Variants in EPB41 observed in about 807,000 individuals in gnomAD.
The protein encoded by EPB41 is erythrocyte membrane protein band 4.1.
In EPB41, 65 loss-of-function variants were observed where a neutral mutation model predicts 108.0. The observed-to-expected ratio is 0.60, with a 90% CI of 0.49 to 0.74. The LOEUF (loss-of-function observed/expected upper bound fraction) is 0.74. EPB41 is among the 30% of genes least tolerant of loss of function. The pLI is 0.00. For missense variants in EPB41, 875 were observed against 1,037.0 expected (o/e 0.84, Z 2.15); for synonymous variants, 336 against 358.9 (o/e 0.94, Z 0.72).
intron 12 of EPB41, among the ~76,000 whole-genome samples, chr1:29,057,989 G>C (rs911868429): frequency 1.3e-5 from 2 of 152,096 alleles, no homozygotes; most frequent in Non-Finnish European, 2.9e-5. Context: ...ATTTAAATTG[G>C]GTTTATTGTA....
At chr1:28,921,938 T>TTTTATATATATATA (rs370726721) in intron 1 of EPB41, among the ~76,000 whole-genome samples, 3 of 102,632 alleles carry the variant, frequency 2.9e-5, no homozygotes, top group African/African-American at 1.4e-4. Context: ...TTATGAAATT[T>TTTTATATATATATA]TATATATATA....
chr1:29,109,292 G>A, intron 17 of EPB41, 44 bp from the exon 18 acceptor site: 23 of 1,483,932 alleles, frequency 1.5e-5, no homozygotes, highest in Non-Finnish European at 2.1e-5. Flanking sequence ...CATTTGCCCA[G>A]TCTTCCTGAG....
chr1:28,923,243 G>A (rs1457527350), intron 1 of EPB41, among the ~76,000 whole-genome samples: 1 of 150,674 alleles, frequency 6.6e-6, no homozygotes, highest in Non-Finnish European at 1.5e-5. Flanking sequence ...TTACAGGCGT[G>A]TGCCACCACA....
At chr1:28,995,983 T>C (rs2096164189) in intron 3 of EPB41, among the ~76,000 whole-genome samples, 1 of 152,236 alleles carries the variant, frequency 6.6e-6, no homozygotes, top group Non-Finnish European at 1.5e-5. Context: ...GGAGGACATG[T>C]CATATATGTT....
chr1:28,915,215 G>A (rs2092536528), intron 1 of EPB41, among the ~76,000 whole-genome samples: 1 of 152,204 alleles, frequency 6.6e-6, no homozygotes. Flanking sequence ...AAGTCAGGCG[G>A]AATCTGAGGA....
chr1:29,008,575 A>C (rs1460462864), intron 4 of EPB41, among the ~76,000 whole-genome samples: 1 of 152,200 alleles, frequency 6.6e-6, no homozygotes, highest in Non-Finnish European at 1.5e-5. Context: ...ATTCTGCTGG[A>C]CCACAGTTAT....
intron 1 of EPB41, among the ~76,000 whole-genome samples, chr1:28,955,376 T>C (rs113215330): frequency 4.2e-4 from 64 of 152,120 alleles, no homozygotes; most frequent in African/African-American, 1.5e-3. Context: ...GGAATCTTAC[T>C]TTGTCGCCAG....
chr1:29,036,195 T>G (rs2150368545), intron 10 of EPB41, among the ~76,000 whole-genome samples: 1 of 152,042 alleles, frequency 6.6e-6, no homozygotes, highest in East Asian at 1.9e-4. Context: ...GGGATTGCAT[T>G]AATTGTAGCT....
chr1:28,990,995 A>G (rs1045924940), intron 2 of EPB41, among the ~76,000 whole-genome samples: 11 of 152,164 alleles, frequency 7.2e-5, no homozygotes, highest in Non-Finnish European at 1.3e-4. Context: ...AGGAGATATT[A>G]TTTAAAAGAA....
At chr1:28,999,142 G>A (rs1027179379) in intron 4 of EPB41, among the ~76,000 whole-genome samples, 25 of 152,040 alleles carry the variant, frequency 1.6e-4, no homozygotes, top group Non-Finnish European at 2.4e-4. Flanking sequence ...AGGCTGAGGC[G>A]GGCGGATCAC....
At chr1:28,933,275 A>G (rs939310932) in intron 1 of EPB41, among the ~76,000 whole-genome samples, 1 of 152,204 alleles carries the variant, frequency 6.6e-6, no homozygotes, top group Admixed American at 6.5e-5. Flanking sequence ...AGAAATAAGT[A>G]AGATTTACTG....
intron 1 of EPB41, among the ~76,000 whole-genome samples, chr1:28,917,762 A>G (rs79180674): frequency 6.6e-6 from 1 of 150,740 alleles, no homozygotes; most frequent in Non-Finnish European, 1.5e-5. Flanking sequence ...TTTCGTTTTT[A>G]AAACACGGGG....
At chr1:28,978,662 G>A (rs2095663293) in intron 1 of EPB41, among the ~76,000 whole-genome samples, 1 of 151,346 alleles carries the variant, frequency 6.6e-6, no homozygotes, top group African/African-American at 2.5e-5. Context: ...TGGATTAGGT[G>A]GGGAAGATCT....
chr1:29,071,951 C>T (rs1393902758), intron 16 of EPB41: 1 of 151,942 alleles, frequency 6.6e-6, no homozygotes, highest in African/African-American at 2.4e-5. Context: ...AGAAGATGGC[C>T]TCTTAGAGCA....
At chr1:29,103,062 C>T (rs781076784) in intron 17 of EPB41, among the ~76,000 whole-genome samples, 2 of 152,112 alleles carry the variant, frequency 1.3e-5, no homozygotes, top group East Asian at 1.9e-4. Flanking sequence ...TGTGAGCCAC[C>T]GCACCCAGCC....
intron 1 of EPB41, among the ~76,000 whole-genome samples, chr1:28,902,669 C>T (rs953100618): frequency 2.0e-5 from 3 of 152,160 alleles, no homozygotes; most frequent in East Asian, 1.9e-4. Flanking sequence ...CAGGGGGGTT[C>T]GTCACACCTT....
chr1:28,907,835 T>A lies in EPB41; in HGVS notation c.-8+20625T>A, dbSNP rs528675889. 9.4e-5 allele frequency among the ~76,000 whole-genome samples: 11 copies of A among 116,994 alleles called. No homozygotes were observed. In the South Asian group the frequency reaches 3.1e-3, roughly 33 times the overall value. The allele number at this position is 116,994 out of a possible 152,430, so 76.8% of individuals were successfully genotyped here. On this transcript the variant is annotated intron_variant, in intron 1 of 16. Transcript: ENST00000347529. ...GCCAGATTGGCTGATTTTTTAAAAATTTTAATTTTTTTTTTGTAGAGATGA... is the reference window on the plus strand; with the variant it reads ...GCCAGATTGGCTGATTTTTTAAAAAATTTAATTTTTTTTTTGTAGAGATGA...
intron 1 of EPB41, among the ~76,000 whole-genome samples, chr1:28,908,969 C>T (rs912862516): frequency 1.7e-4 from 25 of 150,598 alleles, no homozygotes; most frequent in Middle Eastern, 7.0e-3. Context: ...TCAATACTAG[C>T]CTATCCCACA....
At chr1:29,110,905 G>T (rs1295321219) in intron 18 of EPB41, among the ~76,000 whole-genome samples, 1 of 152,176 alleles carries the variant, frequency 6.6e-6, no homozygotes, top group African/African-American at 2.4e-5. Flanking sequence ...GGTGGCTCAT[G>T]CCTGTAATCC....
Sources: allele counts gnomAD v4.1 joint callset (sites outside exome capture counted in the v4.1 genomes callset), GRCh38; gene constraint gnomAD v4.1.1; transcripts MANE v1.5; gene names NCBI Gene and HGNC (gene_info 2026-07-23, HGNC 2026-07-21).